Variants in STK38 observed in about 807,000 individuals in gnomAD.
STK38 encodes the protein serine/threonine kinase 38, also known as serine/threonine-protein kinase 38.
Under a neutral mutation model 59.0 loss-of-function variants are expected in STK38, and 26 were observed. The ratio of observed to expected loss-of-function variants is 0.44; its 90% CI spans 0.32 to 0.61. The LOEUF (loss-of-function observed/expected upper bound fraction) is 0.61, where lower values mean the gene tolerates loss of function less well. Among genes scored for constraint, STK38 ranks in the 20% least tolerant of loss-of-function variants. The pLI is 0.04. For synonymous variants in STK38, 175 were observed against 176.6 expected (o/e 0.99, Z 0.07); for missense variants, 433 against 566.0 (o/e 0.76, Z 2.38).
intron 2 of STK38, 151 bp downstream of exon 2, chr6:36,539,921 A>G (rs1582467199): frequency 2.0e-5 from 26 of 1,295,674 alleles, no homozygotes; most frequent in Non-Finnish European, 1.0e-6. Flanking sequence ...AATGGCAGGG[A>G]CTTTGAAAAG....
At chr6:36,547,113 G>C (rs1015232716) in intron 1 of STK38, 77 bp downstream of exon 1, 3 of 153,980 alleles carry the variant, frequency 1.9e-5, no homozygotes, top group Non-Finnish European at 2.9e-5. Context: ...GCCCAAGAAG[G>C]AGTCGGAGGT....
intron 10 of STK38, 96 bp from the exon 11 acceptor site, chr6:36,498,582 C>CTTTTTTTTTTTTT: frequency 3.9e-6 from 4 of 1,038,952 alleles, no homozygotes; most frequent in South Asian, 1.8e-5. Context: ...CTTTTTTTTT[C>CTTTTTTTTTTTTT]TTTTTTCTTT....
intron 9 of STK38, among the ~76,000 whole-genome samples, chr6:36,501,118 A>G (rs145695871): frequency 0.01 from 1,538 of 152,076 alleles, 16 homozygotes; most frequent in Middle Eastern, 0.061. Context: ...ACACCTGGCT[A>G]ATTTTTTAAT....
chr6:36,497,934 C>CTTTT, intron 11 of STK38, 59 bp from the exon 12 acceptor site: 1 of 1,024,120 alleles, frequency 9.8e-7, no homozygotes, highest in Non-Finnish European at 1.4e-6. Context: ...AAAAGAAAAA[C>CTTTT]TTTCTTTTTT....
intron 7 of STK38, among the ~76,000 whole-genome samples, chr6:36,513,287 G>C (rs568325285): frequency 3.1e-3 from 468 of 150,538 alleles, no homozygotes; most frequent in African/African-American, 6.9e-3. Context: ...CAAAGTGCTG[G>C]GATTACAGGT....
At chr6:36,506,409 C>T (rs933047733) in intron 9 of STK38, among the ~76,000 whole-genome samples, 174 bp downstream of exon 9, 3 of 152,182 alleles carry the variant, frequency 2.0e-5, no homozygotes, top group Middle Eastern at 3.2e-3. Context: ...ATTACCTGTC[C>T]TCCTTCAAAA....
intron 2 of STK38, among the ~76,000 whole-genome samples, chr6:36,531,969 C>A (rs575670721): frequency 1.3e-5 from 2 of 152,110 alleles, no homozygotes; most frequent in Admixed American, 1.3e-4. Context: ...GGTACCTAGA[C>A]AAGACACAAA....
At chr6:36,516,145 G>A (rs1186740506) in intron 6 of STK38, among the ~76,000 whole-genome samples, 1 of 152,102 alleles carries the variant, frequency 6.6e-6, no homozygotes, top group Non-Finnish European at 1.5e-5. Context: ...TTTCTCTAGT[G>A]CGTTATTATA....
At chr6:36,500,080 A>G (rs1374138774) in intron 9 of STK38, 90 bp from the exon 10 acceptor site, 1 of 944,876 alleles carries the variant, frequency 1.1e-6, no homozygotes, top group Non-Finnish European at 1.7e-6. Context: ...GAGTAACATC[A>G]GAAGCTACCC....
At chr6:36,498,258 G>C in intron 11 of STK38, 105 bp downstream of exon 11, 1 of 1,427,374 alleles carries the variant, frequency 7.0e-7, no homozygotes, top group East Asian at 2.3e-5. Context: ...GAGAGGAATA[G>C]GAGGAAACAG....
At chr6:36,514,886 T>C (rs2007741) in intron 7 of STK38, among the ~76,000 whole-genome samples, 30,725 of 150,092 alleles carry the variant, frequency 0.2, 3,331 homozygotes, top group East Asian at 0.39. Context: ...GGCAGGACTC[T>C]TCTTTAAGCA....
chr6:36,525,456 G>A (rs45445900), intron 3 of STK38, 135 bp downstream of exon 3: 284 of 669,388 alleles, frequency 4.2e-4, no homozygotes, highest in Admixed American at 1.2e-3. Flanking sequence ...ACCCAAATCC[G>A]GAAGCACACT....
At chr6:36,504,612 A>G (rs979752433) in intron 9 of STK38, among the ~76,000 whole-genome samples, 1 of 152,204 alleles carries the variant, frequency 6.6e-6, no homozygotes, top group Non-Finnish European at 1.5e-5. Flanking sequence ...TACTGTATAT[A>G]GTATAAAAAG....
At chr6:36,526,017 A>T in intron 2 of STK38, among the ~76,000 whole-genome samples, 1 of 152,056 alleles carries the variant, frequency 6.6e-6, no homozygotes, top group Non-Finnish European at 1.5e-5. Flanking sequence ...TACCTGGCTA[A>T]TTTTTAAATT....
At chr6:36,540,657 G>A (rs1034221298) in intron 1 of STK38, among the ~76,000 whole-genome samples, 5 of 151,812 alleles carry the variant, frequency 3.3e-5, no homozygotes, top group South Asian at 2.1e-4. Context: ...ATGGAGTTTC[G>A]CTCTTGTTGC....
chr6:36,515,259 C>A, intron 7 of STK38, 79 bp downstream of exon 7: 1 of 1,527,012 alleles, frequency 6.5e-7, no homozygotes, highest in African/African-American at 1.4e-5. Context: ...ACTGGGATGA[C>A]CACAGGGGTG....
chr6:36,546,523 T>C (rs907697885), intron 1 of STK38, among the ~76,000 whole-genome samples: 1 of 152,224 alleles, frequency 6.6e-6, no homozygotes, highest in African/African-American at 2.4e-5. Flanking sequence ...AACAAGTTTC[T>C]CTCCGAGTCT....
intron 4 of STK38, among the ~76,000 whole-genome samples, chr6:36,523,614 G>A (rs566444561): frequency 1.1e-4 from 17 of 152,090 alleles, no homozygotes; most frequent in East Asian, 9.6e-4. Flanking sequence ...CAATTATTGC[G>A]TCAGTAGGTC....
At chr6:36,501,231 G>A (rs1017688836) in intron 9 of STK38, among the ~76,000 whole-genome samples, 2 of 152,048 alleles carry the variant, frequency 1.3e-5, no homozygotes, top group African/African-American at 4.8e-5. Context: ...GGGATTACAG[G>A]TGTGAGCCAC....
Sources: allele counts gnomAD v4.1 joint callset (sites outside exome capture counted in the v4.1 genomes callset), GRCh38; gene constraint gnomAD v4.1.1; transcripts MANE v1.5; gene names NCBI Gene and HGNC (gene_info 2026-07-23, HGNC 2026-07-21).